Variants in PDE3B observed in about 807,000 individuals in gnomAD.
PDE3B encodes the protein cGMP-inhibited 3',5'-cyclic phosphodiesterase 3B.
In PDE3B, 66 loss-of-function variants were observed where a neutral mutation model predicts 116.8. The observed-to-expected ratio is 0.56, with a 90% confidence interval of 0.46 to 0.69. The LOEUF (loss-of-function observed/expected upper bound fraction) is 0.69. Ranked by LOEUF, PDE3B falls within the 30% of genes least tolerant of loss-of-function variation. PDE3B has a pLI of 0.00. For missense variants in PDE3B, 1,384 were observed against 1,368.1 expected, an observed-to-expected ratio of 1.01 and a Z score of -0.18; for synonymous variants, 595 against 533.6, an observed-to-expected ratio of 1.12 and a Z score of -1.59.
intron 1 of PDE3B, among the ~76,000 whole-genome samples, chr11:14,653,701 TA>T (rs1359807017): frequency 7.2e-5 from 11 of 151,932 alleles, no homozygotes; most frequent in African/African-American, 2.4e-4. Flanking sequence ...GACAGGTGAT[TA>T]AAAAAACTGT....
intron 13 of PDE3B, among the ~76,000 whole-genome samples, chr11:14,859,976 T>C (rs1847916936): frequency 6.6e-6 from 1 of 152,156 alleles, no homozygotes; most frequent in Non-Finnish European, 1.5e-5. Flanking sequence ...TGATGACTTT[T>C]GTGACCTAAA....
the PDE3B span, chr11:14,891,745 G>T: frequency 7.4e-7 from 1 of 1,353,112 alleles, no homozygotes; most frequent in East Asian, 3.0e-5. Context: ...GATCGCCTCG[G>T]AGCCTCGGCC....
chr11:14,843,811 A>G lies in PDE3B; in HGVS notation c.2321-16A>G. The G allele has an allele frequency of 6.2e-7, 1 of 1,603,726 alleles. No homozygotes were observed. Among genetic ancestry groups the G allele is most frequent in the African/African-American group, 1.3e-5 (1 of 74,800 alleles). On this transcript the variant is annotated splice_polypyrimidine_tract_variant and intron_variant, in intron 11 of 15. Transcript: ENST00000282096. Reference sequence around the variant, plus strand: ...TGTGCTAATGCTGGTTTATTTTGCTATTTATTGTTTCTCAGATTCTGATGG... The same window carrying G: ...TGTGCTAATGCTGGTTTATTTTGCTGTTTATTGTTTCTCAGATTCTGATGG...
At chr11:14,672,024 A>AT (rs1255150849) in intron 1 of PDE3B, among the ~76,000 whole-genome samples, 2 of 115,150 alleles carry the variant, frequency 1.7e-5, no homozygotes, top group Non-Finnish European at 3.7e-5. Flanking sequence ...CTTGAAAAAA[A>AT]AAAAATATAT....
chr11:14,824,127 C>T (rs1859613423), intron 7 of PDE3B, among the ~76,000 whole-genome samples: 2 of 152,198 alleles, frequency 1.3e-5, no homozygotes, highest in Non-Finnish European at 1.5e-5. Context: ...GGTACTCTAG[C>T]ACAAACACGC....
chr11:14,858,184 T>C (rs376468857), intron 12 of PDE3B, among the ~76,000 whole-genome samples: 7 of 152,332 alleles, frequency 4.6e-5, no homozygotes, highest in African/African-American at 1.7e-4. Flanking sequence ...ATTCCGTCCT[T>C]CTTTCTCATT....
intron 1 of PDE3B, among the ~76,000 whole-genome samples, chr11:14,703,587 G>A (rs940652319): frequency 6.6e-6 from 1 of 151,548 alleles, no homozygotes; most frequent in African/African-American, 2.4e-5. Context: ...AGAGATCTTA[G>A]CATATTATAA....
chr11:14,763,881 G>T (rs1454577152), intron 1 of PDE3B, among the ~76,000 whole-genome samples: 1 of 152,086 alleles, frequency 6.6e-6, no homozygotes, highest in African/African-American at 2.4e-5. Flanking sequence ...TTAGATTTTA[G>T]CTCTGCCAAT....
At chr11:14,807,062 A>G (rs1858956400) in intron 5 of PDE3B, among the ~76,000 whole-genome samples, 1 of 152,036 alleles carries the variant, frequency 6.6e-6, no homozygotes, top group Non-Finnish European at 1.5e-5. Flanking sequence ...AAAAATGAGA[A>G]CACATGGACA....
At chr11:14,723,615 G>A (rs1377666518) in intron 1 of PDE3B, among the ~76,000 whole-genome samples, 1 of 151,930 alleles carries the variant, frequency 6.6e-6, no homozygotes, top group Non-Finnish European at 1.5e-5. Context: ...AAACCCATTA[G>A]CTGGGAATGA....
intron 1 of PDE3B, among the ~76,000 whole-genome samples, chr11:14,768,552 A>G (rs2133894813): frequency 6.6e-6 from 1 of 151,622 alleles, no homozygotes; most frequent in East Asian, 1.9e-4. Flanking sequence ...TATGTACTTC[A>G]TTCATTTTCA....
rs1209585428 is a variant in PDE3B, at chr11:14,816,526, A to G, written c.1523-1657A>G. Reference sequence around the variant, plus strand: ...AAAGGTTTCTGGAATAAATAGACAGAATTATAGACTCATCTTATGTGTTCC... The same window carrying G: ...AAAGGTTTCTGGAATAAATAGACAGGATTATAGACTCATCTTATGTGTTCC... On this transcript the variant is annotated intron_variant, in intron 5 of 15. Transcript: ENST00000282096. 1.3e-5 allele frequency among the ~76,000 whole-genome samples: 2 copies of G among 152,218 alleles called. 1 individual carries two copies. The highest frequency in any genetic ancestry group is 3.8e-4 in the East Asian group (2 of 5,206).
the PDE3B span, among the ~76,000 whole-genome samples, chr11:14,898,404 T>C: frequency 6.6e-6 from 1 of 152,178 alleles, no homozygotes; most frequent in Non-Finnish European, 1.5e-5. Context: ...GATGGGGCAG[T>C]AATTTTCCTG....
intron 12 of PDE3B, among the ~76,000 whole-genome samples, chr11:14,854,993 A>C (rs1328020785): frequency 6.6e-6 from 1 of 152,184 alleles, no homozygotes; most frequent in Non-Finnish European, 1.5e-5. Flanking sequence ...AAAATATTGC[A>C]TCCATAAAGT....
At chr11:14,699,473 T>TG (rs1422478699) in intron 1 of PDE3B, 2 of 151,904 alleles carry the variant, frequency 1.3e-5, no homozygotes, top group Non-Finnish European at 2.9e-5. Flanking sequence ...TTCCTTTAAG[T>TG]GATATAGAAT....
In PDE3B at chr11:14,644,511, G is replaced by A; in HGVS notation, c.436G>A (p.Gly146Ser). The A allele has an allele frequency of 1.2e-6, 2 of 1,609,674 alleles. No homozygotes were observed. The highest frequency in any genetic ancestry group is 1.7e-6 in the Non-Finnish European group (2 of 1,178,128). Reference sequence around the variant, plus strand: ...CCGGACCAAGCGGGGACCCGGCCCGGGCCGGAGCTGCGGCTCCTGGTGGCT... The same window carrying A: ...CCGGACCAAGCGGGGACCCGGCCCGAGCCGGAGCTGCGGCTCCTGGTGGCT... Reference protein sequence around the residue: ...LTRTKRGPGPGRSCGSWWLLA... With the variant: ...LTRTKRGPGPSRSCGSWWLLA... The change falls in exon 1 of 16, where the codon GGC (glycine) becomes AGC (serine). Residue 146 changes from glycine to serine, a missense_variant. By Grantham distance (56) the Gly-to-Ser change is moderately conservative. Coordinates refer to ENST00000282096, the MANE Select transcript of PDE3B (RefSeq NM_000922.4).
intron 2 of PDE3B, among the ~76,000 whole-genome samples, chr11:14,778,116 G>A (rs868864970): frequency 6.6e-6 from 1 of 152,328 alleles, no homozygotes; most frequent in South Asian, 2.1e-4. Context: ...CGAGGCTGGG[G>A]GAGGGGTGCC....
At chr11:14,888,369 C>G in the PDE3B span, among the ~76,000 whole-genome samples, 1 of 152,146 alleles carries the variant, frequency 6.6e-6, no homozygotes, top group Non-Finnish European at 1.5e-5. Flanking sequence ...TAGAGACATA[C>G]ATTTAAACAT....
intron 4 of PDE3B, among the ~76,000 whole-genome samples, chr11:14,789,765 A>G (rs1377372177): frequency 1.3e-5 from 2 of 152,016 alleles, no homozygotes; most frequent in Non-Finnish European, 2.9e-5. Flanking sequence ...AACAATGCTA[A>G]TCTTATAAAT....
Sources: allele counts gnomAD v4.1 joint callset (sites outside exome capture counted in the v4.1 genomes callset), GRCh38; gene constraint gnomAD v4.1.1; transcripts MANE v1.5; gene names NCBI Gene and HGNC (gene_info 2026-07-23, HGNC 2026-07-21).